The following ALS2 variants were observed in gnomAD, a reference collection of about 807,000 sequenced individuals.
ALS2 encodes alsin.
Under a neutral mutation model 203.4 loss-of-function variants are expected in ALS2, and 117 were observed. The ratio of observed to expected loss-of-function variants is 0.58; its 90% CI spans 0.50 to 0.67. ALS2 has a LOEUF of 0.67. ALS2 is among the 30% of genes least tolerant of loss of function. The probability of loss-of-function intolerance (pLI) is 0.00; values close to 1 mark genes in which losing one functional copy is unlikely to be tolerated. For missense variants in ALS2, 1,715 were observed against 1,989.4 expected, an observed-to-expected ratio of 0.86 and a Z score of 2.62; for synonymous variants, 718 against 725.9, an observed-to-expected ratio of 0.99 and a Z score of 0.17.
At chr2:201,740,007 T>G (rs1692163115) in intron 11 of ALS2, among the ~76,000 whole-genome samples, 1 of 152,168 alleles carries the variant, frequency 6.6e-6, no homozygotes. Context: ...GTTAATTTTA[T>G]GTGATGTGTA....
intron 8 of ALS2, 34 bp downstream of exon 8, chr2:201,749,678 G>A (rs1692903871): frequency 2.6e-6 from 4 of 1,541,554 alleles, no homozygotes; most frequent in Non-Finnish European, 3.6e-6. Flanking sequence ...GCTAAGAATT[G>A]TGGAATAAGT....
chr2:201,731,989 C>G (rs1278570411), intron 13 of ALS2, among the ~76,000 whole-genome samples: 5 of 152,160 alleles, frequency 3.3e-5, no homozygotes, highest in African/African-American at 9.7e-5. Flanking sequence ...AAACTGAACT[C>G]TGACTCTCAA....
chr2:201,710,913 G>A, intron 26 of ALS2, 78 bp downstream of exon 26: 1 of 911,066 alleles, frequency 1.1e-6, no homozygotes. Flanking sequence ...ACATTAAGCT[G>A]TGAGTCTATC....
Position 201,733,176 on chromosome 2 carries a change from T to C in ALS2, c.2580+100A>G, listed in dbSNP as rs553264984. 18 of 1,255,412 alleles carry C rather than the reference T, an allele frequency of 1.4e-5. No homozygotes were observed. In the East Asian group the frequency reaches 4.3e-4, roughly 30 times the overall value. The allele number at this position is 1,255,412 out of a possible 1,614,324, so 77.8% of individuals were successfully genotyped here. ...AATTTAATTAGACACAGGTAAATATTAAATTACTGGAGTTCCAGATCTTGT... is the reference window on the plus strand; with the variant it reads ...AATTTAATTAGACACAGGTAAATATCAAATTACTGGAGTTCCAGATCTTGT... On this transcript the variant is annotated intron_variant, in intron 13 of 33. Transcript: ENST00000264276.
At chr2:201,723,516 G>T in intron 21 of ALS2, 75 bp from the exon 22 acceptor site, 1 of 1,260,052 alleles carries the variant, frequency 7.9e-7, no homozygotes, top group Non-Finnish European at 1.2e-6. Context: ...TATCACATGG[G>T]AGATCCCAGG....
rs1364755556 is a variant in ALS2, at chr2:201,704,615, A to G, written c.4689-12T>C. 3 of 1,614,062 alleles carry G rather than the reference A, an allele frequency of 1.9e-6. No homozygotes were observed. Among genetic ancestry groups the G allele is most frequent in the South Asian group, 2.2e-5 (2 of 91,080 alleles). On this transcript the variant is annotated splice_polypyrimidine_tract_variant and intron_variant, in intron 31 of 33. Transcript: ENST00000264276. ...GGGTAAATGTTGTGCTGTTACAGAA[A>G]CAATGACAAAAAGACATCCTATAAT...
rs572502291 is a variant in ALS2, at chr2:201,750,915, G to T, written c.1738-1126C>A. ...GTCACCCAGGCTGGAGCACAATGGC[G>T]CAATCTTGGCTCACTGCAACCTCCG... is the stretch of plus-strand genomic sequence containing the variant. On this transcript the variant is annotated intron_variant, in intron 7 of 33. Coordinates refer to ENST00000264276, the MANE Select transcript of ALS2 (RefSeq NM_020919.4). 2.0e-5 allele frequency among the ~76,000 whole-genome samples: 3 copies of T among 149,002 alleles called. No homozygotes were observed. In the South Asian group the frequency reaches 6.4e-4, roughly 32 times the overall value.
intron 23 of ALS2, chr2:201,720,081 G>T: frequency 2.5e-6 from 1 of 397,302 alleles, no homozygotes; most frequent in Non-Finnish European, 4.8e-6. Flanking sequence ...TCAGAAAATA[G>T]GGGAGGAGGG....
intron 12 of ALS2, among the ~76,000 whole-genome samples, chr2:201,736,629 G>A (rs6736009): frequency 0.018 from 2,705 of 152,018 alleles, 25 homozygotes; most frequent in Non-Finnish European, 0.028. Context: ...TTTTAAAAGC[G>A]AAAGAAATGA....
At chr2:201,729,317 C>T (rs1691396729) in intron 13 of ALS2, 134 bp from the exon 14 acceptor site, 1 of 899,452 alleles carries the variant, frequency 1.1e-6, no homozygotes, top group Non-Finnish European at 1.7e-6. Context: ...ATAAGTAGCA[C>T]ACTGCAGGAG....
chr2:201,779,260 T>G (rs1413587412), intron 1 of ALS2, among the ~76,000 whole-genome samples: 1 of 152,214 alleles, frequency 6.6e-6, no homozygotes, highest in African/African-American at 2.4e-5. Flanking sequence ...AAGTTTTGTT[T>G]TTTTCCCAAA....
rs749509267 is a variant in ALS2, at chr2:201,743,502, C to T, written c.2170+756G>A. 5.9e-4 allele frequency among the ~76,000 whole-genome samples: 89 copies of T among 151,894 alleles called. 1 individual carries two copies. The highest frequency in any genetic ancestry group is 1.2e-3 in the Non-Finnish European group (80 of 67,938). ...GAGGGATAAGATCTTTTTTTGTCCC[C>T]GAGATGGAGTCTTGCTCTGTCACCC... On this transcript the variant is annotated intron_variant, in intron 10 of 33. Transcript: ENST00000264276.
In ALS2 at chr2:201,741,819, G is replaced by C. The variant is rs777452142; in HGVS notation, c.2206C>G (p.Gln736Glu). The C allele has an allele frequency of 6.2e-7, 1 of 1,613,856 alleles. No homozygotes were observed. The highest frequency in any genetic ancestry group is 1.3e-5 in the African/African-American group (1 of 74,890). The change falls in exon 11 of 34, where the codon CAG (glutamine) becomes GAG (glutamate). Residue 736 changes from glutamine (Q) to glutamate (E), a missense_variant. Coordinates refer to ENST00000264276, the MANE Select transcript of ALS2 (RefSeq NM_020919.4). Reference protein sequence around the residue: ...LGTTTTVQLLQEVASRFSKLC... With the variant: ...LGTTTTVQLLEEVASRFSKLC... ...TTGCTGAATCGGCTAGCCACCTCCT[G>C]CAACAGCTGGACTGTAGTTGTAGTG... is the stretch of plus-strand genomic sequence containing the variant.
At chr2:201,744,590 T>C (rs1269938378) in intron 9 of ALS2, among the ~76,000 whole-genome samples, 161 bp from the exon 10 acceptor site, 1 of 152,148 alleles carries the variant, frequency 6.6e-6, no homozygotes, top group Non-Finnish European at 1.5e-5. Flanking sequence ...AAATTGGCCA[T>C]AGTGAAAATC....
chr2:201,773,782 G>A (rs1184804105), intron 1 of ALS2, among the ~76,000 whole-genome samples: 1 of 152,186 alleles, frequency 6.6e-6, no homozygotes, highest in African/African-American at 2.4e-5. Context: ...TCCTGCGCCT[G>A]GAAGTTGGAT....
intron 5 of ALS2, among the ~76,000 whole-genome samples, chr2:201,755,795 A>C (rs183496379): frequency 1.3e-5 from 2 of 152,320 alleles, no homozygotes; most frequent in East Asian, 3.9e-4. Context: ...ATAGTGTTCA[A>C]AATTACATCA....
At chr2:201,779,947 G>A (rs1477489847) in intron 1 of ALS2, 1 of 152,210 alleles carries the variant, frequency 6.6e-6, no homozygotes, top group African/African-American at 2.4e-5. Context: ...GGGGGAAAAT[G>A]TGGGACCAAT....
intron 6 of ALS2, among the ~76,000 whole-genome samples, chr2:201,753,735 C>T (rs1693214525): frequency 6.6e-6 from 1 of 152,134 alleles, no homozygotes; most frequent in South Asian, 2.1e-4. Flanking sequence ...TGTGAATAGA[C>T]ATAGTCTGAT....
intron 11 of ALS2, among the ~76,000 whole-genome samples, chr2:201,740,112 C>T (rs371408067): frequency 3.3e-5 from 5 of 152,106 alleles, no homozygotes; most frequent in African/African-American, 1.2e-4. Flanking sequence ...ATAACTTATG[C>T]CCAGGAGTTT....
Sources: gnomAD v4.1 joint callset for allele counts (sites outside exome capture counted in the v4.1 genomes callset) on GRCh38, gnomAD v4.1.1 for gene constraint, MANE v1.5 for transcripts, NCBI Gene and HGNC (gene_info 2026-07-23, HGNC 2026-07-21) for gene names.